GBF1: variants seen among roughly 807,000 people sequenced by gnomAD.
GBF1 encodes Golgi-specific brefeldin A-resistance guanine nucleotide exchange factor 1.
In GBF1, 114 loss-of-function variants were observed where a neutral mutation model predicts 210.5. That is an observed-to-expected ratio of 0.54 (90% CI 0.47 to 0.63). GBF1 has a LOEUF of 0.63. Ranked by LOEUF, GBF1 falls within the 30% of genes least tolerant of loss-of-function variation. GBF1 has a pLI of 0.00. For synonymous variants in GBF1, 850 were observed against 889.2 expected, an observed-to-expected ratio of 0.96 and a Z score of 0.78; for missense variants, 1,851 against 2,357.7, an observed-to-expected ratio of 0.79 and a Z score of 4.45.
chr10:102,277,770 A>G (rs1333058911), intron 3 of GBF1, among the ~76,000 whole-genome samples: 1 of 152,208 alleles, frequency 6.6e-6, no homozygotes, highest in Non-Finnish European at 1.5e-5. Context: ...ATCAAATTCA[A>G]GAAATTTAGC....
intron 3 of GBF1, among the ~76,000 whole-genome samples, chr10:102,339,029 A>G (rs1049017539): frequency 5.9e-5 from 9 of 151,532 alleles, no homozygotes; most frequent in African/African-American, 1.7e-4. Context: ...ATGATATTGG[A>G]AAAAAAAATG....
In GBF1 at chr10:102,361,464, A is replaced by G. The variant is rs187546467; in HGVS notation, c.1492-254A>G. On this transcript the variant is annotated intron_variant, in intron 13 of 39. Transcript: ENST00000369983. The stretch of plus-strand genomic sequence containing the variant: ...AAGGAACTCTAAATAGGACCAGGTC[A>G]TGTTCACATAGCACAAAAGGGCAAG... Among the ~76,000 whole-genome samples the G allele has an allele frequency of 1.3e-3, 191 of 152,342 alleles. 2 individuals are homozygous for G. The highest frequency in any genetic ancestry group is 4.4e-3 in the African/African-American group (185 of 41,580).
intron 3 of GBF1, among the ~76,000 whole-genome samples, chr10:102,265,896 G>A (rs1453377320): frequency 1.3e-5 from 2 of 152,064 alleles, no homozygotes; most frequent in East Asian, 3.8e-4. Flanking sequence ...TAGCTCTGAG[G>A]ACCTAATGTC....
At chr10:102,360,984 A>G in intron 12 of GBF1, 38 bp from the exon 13 acceptor site, 1 of 1,130,640 alleles carries the variant, frequency 8.8e-7, no homozygotes, top group African/African-American at 1.6e-5. Flanking sequence ...CAAAAAAAAA[A>G]AAAAAAAACT....
At chr10:102,279,695 G>C (rs747757901) in intron 3 of GBF1, among the ~76,000 whole-genome samples, 1 of 152,048 alleles carries the variant, frequency 6.6e-6, no homozygotes, top group Non-Finnish European at 1.5e-5. Flanking sequence ...TCCAAAAGCA[G>C]AGAGAAAAAG....
intron 28 of GBF1, 33 bp from the exon 29 acceptor site, chr10:102,370,674 T>C: frequency 1.2e-6 from 2 of 1,609,296 alleles, no homozygotes; most frequent in Non-Finnish European, 1.7e-6. Context: ...CCCCTCTGGC[T>C]GAGACTATCT....
At position 102,366,236 on chromosome 10, in the gene GBF1, TA is replaced by T; in HGVS notation, c.2310-146del. 1 of 739,326 alleles carries T rather than the reference TA, an allele frequency of 1.4e-6. No individual in the cohort carries two copies. The highest frequency in any genetic ancestry group is 1.7e-5 in the African/African-American group (1 of 57,152). The allele number at this position is 739,326 out of a possible 1,614,324, so 45.8% of individuals were successfully genotyped here. On this transcript the variant is annotated intron_variant, in intron 18 of 39. Coordinates refer to ENST00000369983, the MANE Select transcript of GBF1 (RefSeq NM_001377137.1). The surrounding 1 kb of genome is among the most constrained non-coding windows in gnomAD (Gnocchi z 4.0). ...AAAGTATTAAGGCTAGGGGTTGTGT[TA>T]GGGATGAACAGGAGATACTGCCCCT...
At chr10:102,344,769 T>C (rs1425212507) in intron 4 of GBF1, among the ~76,000 whole-genome samples, 1 of 152,136 alleles carries the variant, frequency 6.6e-6, no homozygotes, top group African/African-American at 2.4e-5. Context: ...TGTGAGCCAC[T>C]GTGCCTGGCC....
In GBF1 at chr10:102,382,383, C is replaced by T. The variant is rs766562809; in HGVS notation, c.*47C>T. The T allele has an allele frequency of 8.7e-6, 13 of 1,500,964 alleles. No individual in the cohort carries two copies. The African/African-American group carries it at 1.4e-4, about 16-fold the overall frequency. 93.0% of individuals were successfully genotyped at this position (1,500,964 alleles called of 1,614,324 possible). On this transcript the variant is annotated 3_prime_UTR_variant, in exon 40 of 40. Transcript: ENST00000369983. Reference sequence around the variant, plus strand: ...GACCAGTGCTTCCCACCAGGCTTTCCTTGACCCCACTTCTGGCTGTCCTGC... The same window carrying T: ...GACCAGTGCTTCCCACCAGGCTTTCTTTGACCCCACTTCTGGCTGTCCTGC...
intron 3 of GBF1, among the ~76,000 whole-genome samples, chr10:102,342,746 T>G (rs113631728): frequency 0.012 from 1,853 of 152,158 alleles, 33 homozygotes; most frequent in African/African-American, 0.043. Context: ...TAAACACTTT[T>G]GGTCTCTTTA....
At chr10:102,319,732 T>C (rs1465021968) in intron 3 of GBF1, among the ~76,000 whole-genome samples, 4 of 148,520 alleles carry the variant, frequency 2.7e-5, no homozygotes, top group South Asian at 2.1e-4. Context: ...TTCTTTCTTT[T>C]TTTTTTTTTT....
chr10:102,231,835 G>A, the GBF1 span: 5 of 1,590,956 alleles, frequency 3.1e-6, no homozygotes, highest in Admixed American at 1.7e-5. Context: ...CCAAGCCAGC[G>A]CATATTCTCC....
At chr10:102,264,169 G>C (rs999096621) in intron 3 of GBF1, among the ~76,000 whole-genome samples, 2 of 152,204 alleles carry the variant, frequency 1.3e-5, no homozygotes, top group Non-Finnish European at 2.9e-5. Flanking sequence ...TCATATCTCA[G>C]TTTATAAAGG....
rs758632275 is a variant in GBF1 at position 102,358,552 on chromosome 10, T to A, written c.834T>A (p.Ser278Arg). Residue 278 changes from serine to arginine, a missense_variant, in exon 10 of 40, where the codon AGT (serine) becomes AGA (arginine). This residue lies in a region of GBF1 where 804 missense variants were observed against 958.6 expected (regional missense o/e 0.84). Transcript: ENST00000369983. ...TGCCCACTCCCATCTCCTCTGCAAG[T>A]TCAGAAGCTGCCTCAGCAGTGGTCA... is the stretch of plus-strand genomic sequence containing the variant. Reference protein sequence around the residue: ...IDVPTPISSASSEAASAVVSP... With the variant: ...IDVPTPISSARSEAASAVVSP... 2.1e-5 allele frequency: 34 copies of A among 1,614,020 alleles called. No individual in the cohort carries two copies. The highest frequency in any genetic ancestry group is 1.0e-4 in the Admixed American group (6 of 59,990).
intron 1 of GBF1, among the ~76,000 whole-genome samples, chr10:102,256,433 A>G (rs150362564): frequency 3.3e-5 from 5 of 152,116 alleles, no homozygotes; most frequent in African/African-American, 1.2e-4. Context: ...TAAATGCCTC[A>G]AGGACATAAA....
intron 3 of GBF1, among the ~76,000 whole-genome samples, chr10:102,288,191 C>T (rs1450801809): frequency 1.3e-5 from 2 of 152,174 alleles, no homozygotes; most frequent in Non-Finnish European, 2.9e-5. Context: ...GGCTTCTGCT[C>T]ATGAGAGCAC....
At chr10:102,260,250 G>C (rs1256761934) in intron 3 of GBF1, 134 bp downstream of exon 3, 1 of 496,634 alleles carries the variant, frequency 2.0e-6, no homozygotes, top group Admixed American at 3.4e-5. Context: ...ATACACAACT[G>C]CAACTACTTA....
chr10:102,261,599 TTTTC>T (rs1252221841), intron 3 of GBF1, among the ~76,000 whole-genome samples: 4 of 147,898 alleles, frequency 2.7e-5, no homozygotes, highest in Non-Finnish European at 5.9e-5. Context: ...TCCCTACATA[TTTTC>T]TTTCTTTCTT....
chr10:102,232,184 C>T, the GBF1 span: 7 of 746,380 alleles, frequency 9.4e-6, no homozygotes, highest in South Asian at 3.0e-5. Context: ...AATTCCCTGG[C>T]GCCTTTCTCA....
Sources: allele counts gnomAD v4.1 joint callset (sites outside exome capture counted in the v4.1 genomes callset), GRCh38; gene constraint gnomAD v4.1.1; regional missense constraint gnomAD v4.1.1; non-coding constraint Gnocchi (gnomAD v3.1); transcripts MANE v1.5; gene names NCBI Gene and HGNC (gene_info 2026-07-23, HGNC 2026-07-21).